The following CACNA1S variants were observed in gnomAD, a reference collection of about 807,000 sequenced individuals.
CACNA1S encodes the protein voltage-dependent L-type calcium channel subunit alpha-1S.
In CACNA1S, 126 loss-of-function variants were observed where a neutral mutation model predicts 207.4. The ratio of observed to expected loss-of-function variants is 0.61; its 90% CI spans 0.53 to 0.70. The LOEUF (loss-of-function observed/expected upper bound fraction) is 0.70, where lower values mean the gene tolerates loss of function less well. Among genes scored for constraint, CACNA1S ranks in the 30% least tolerant of loss-of-function variants. The pLI, the probability that CACNA1S is intolerant of heterozygous loss-of-function variation, is 0.00. For missense variants in CACNA1S, 2,349 were observed against 2,422.8 expected (o/e 0.97, Z 0.64); for synonymous variants, 960 against 932.7 (o/e 1.03, Z -0.53).
Position 201,053,694 on chromosome 1 carries a change from C to T in CACNA1S, c.3667-107G>A. ...GTGTGTTTTGGGGAGATGTTTGTGG[C>T]ATGGAGGAACTCCAGCCCCGCCTCT... On this transcript the variant is annotated intron_variant, in intron 29 of 43. Transcript: ENST00000362061. This position sits in a 1 kb window ranked among gnomAD's most constrained non-coding sequence, Gnocchi z 5.1. 1.4e-5 allele frequency: 17 copies of T among 1,187,712 alleles called. No individual in the cohort carries two copies. Among genetic ancestry groups the T allele is most frequent in the Non-Finnish European group, 2.0e-5 (17 of 839,908 alleles). 73.6% of individuals were successfully genotyped at this position (1,187,712 alleles called of 1,614,324 possible). A position where few individuals can be genotyped will look rare whatever the true frequency, so the allele number is the denominator to read the frequency against.
At chr1:201,052,260 C>G (rs1454948244) in intron 32 of CACNA1S, among the ~76,000 whole-genome samples, 3 of 152,256 alleles carry the variant, frequency 2.0e-5, no homozygotes, top group Non-Finnish European at 4.4e-5. Flanking sequence ...GAGAAGATAT[C>G]TGACCTCTGT....
intron 22 of CACNA1S, among the ~76,000 whole-genome samples, chr1:201,064,474 G>A (rs1661175217): frequency 6.6e-6 from 1 of 152,206 alleles, no homozygotes; most frequent in African/African-American, 2.4e-5. Context: ...GATTTGGCTT[G>A]TAAGGCCCTC....
Position 201,039,783 on chromosome 1 carries a change from C to T in CACNA1S, c.*48G>A. 6.3e-7 allele frequency: 1 copy of T among 1,599,574 alleles called. No individual in the cohort carries two copies. On this transcript the variant is annotated 3_prime_UTR_variant, in exon 44 of 44. Transcript: ENST00000362061. The stretch of plus-strand genomic sequence containing the variant: ...TTCTCCACCCCAGCAACTTCCCCAC[C>T]CCCATTGGTCATGCCAGCTCTAAGC...
At position 201,088,019 on chromosome 1, in the gene CACNA1S, G is replaced by A. The variant is rs61022937; in HGVS notation, c.901-90C>T. The stretch of plus-strand genomic sequence containing the variant: ...ATTAAGACTCCACCCAACCCTGGGG[G>A]ACAAGGAGAGAAGCCACGCTGGGAT... On this transcript the variant is annotated intron_variant, in intron 6 of 43. Coordinates refer to ENST00000362061, the MANE Select transcript of CACNA1S (RefSeq NM_000069.3). The A allele has an allele frequency of 2.8e-3, 2,364 of 840,864 alleles. 35 individuals carry two copies. The African/African-American group carries it at 0.034, about 12-fold the overall frequency. The allele number at this position is 840,864 out of a possible 1,614,324, so 52.1% of individuals were successfully genotyped here. A position where few individuals can be genotyped will look rare whatever the true frequency, so the allele number is the denominator to read the frequency against.
intron 2 of CACNA1S, among the ~76,000 whole-genome samples, chr1:201,100,054 G>A (rs1662581860): frequency 1.3e-5 from 2 of 152,190 alleles, no homozygotes; most frequent in African/African-American, 4.8e-5. Flanking sequence ...GAGACCCAGG[G>A]CCTGGGCACA....
At chr1:201,088,681 G>A (rs1432163757) in intron 6 of CACNA1S, among the ~76,000 whole-genome samples, 1 of 152,158 alleles carries the variant, frequency 6.6e-6, no homozygotes, top group Non-Finnish European at 1.5e-5. Context: ...TGGGAGCAAT[G>A]CCTTCCATCA....
At position 201,051,014 on chromosome 1, in the gene CACNA1S, G is replaced by A. The variant is rs771595474; in HGVS notation, c.4083C>T (p.Phe1361=). The A allele has an allele frequency of 6.2e-7, 1 of 1,614,224 alleles. No homozygotes were observed. Among genetic ancestry groups the A allele is most frequent in the Non-Finnish European group, 8.5e-7 (1 of 1,180,036 alleles). Residue 1361 remains phenylalanine, a synonymous_variant, in exon 33 of 44, where the codon TTC becomes TTT. Coordinates refer to ENST00000362061, the MANE Select transcript of CACNA1S (RefSeq NM_000069.3). ...TCGTNFAYYY[F]ISFYMLCAFL... is the part of the protein sequence containing the mutation. The stretch of plus-strand genomic sequence containing the variant: ...AGGCACAGAGCATGTAGAAGCTGAT[G>A]AAGTAGTAGTATGCAAAGTTGGTGC...
rs981576803 is a variant in CACNA1S at position 201,083,159 on chromosome 1, C to G, written c.1393+3G>C. On this transcript the variant is annotated splice_donor_region_variant and intron_variant, in intron 10 of 43. Transcript: ENST00000362061. ...CTCCCGGCTTCACTCCGTTCCGCCTCACCTTGCAAACGGGTCAGCCAGAGA... is the reference window on the plus strand; with the variant it reads ...CTCCCGGCTTCACTCCGTTCCGCCTGACCTTGCAAACGGGTCAGCCAGAGA... 6.2e-7 allele frequency: 1 copy of G among 1,614,034 alleles called. No individual in the cohort carries two copies. The highest frequency in any genetic ancestry group is 1.3e-5 in the African/African-American group (1 of 74,940).
chr1:201,053,559 C>T lies in CACNA1S; in HGVS notation c.3695G>A (p.Ser1232Asn), dbSNP rs1394334555. Residue 1232 changes from serine (S) to asparagine (N), a missense_variant, in exon 30 of 44, where the codon AGC becomes AAC. Coordinates refer to ENST00000362061, the MANE Select transcript of CACNA1S (RefSeq NM_000069.3). This position sits in a 1 kb window ranked among gnomAD's most constrained non-coding sequence, Gnocchi z 5.1. ...VDPDESARIS[S>N]AFFRLFRVMR... ...GACACGGAACAGGCGGAAGAAGGCG[C>T]TGGAGATGCGGGCACTCTCATCTGG... 1 of 1,613,652 alleles carries T rather than the reference C, an allele frequency of 6.2e-7. No individual in the cohort carries two copies. Among genetic ancestry groups the T allele is most frequent in the East Asian group, 2.2e-5 (1 of 44,824 alleles).
intron 2 of CACNA1S, among the ~76,000 whole-genome samples, chr1:201,098,093 G>C (rs1219808186): frequency 6.6e-6 from 1 of 152,106 alleles, no homozygotes; most frequent in African/African-American, 2.4e-5. Flanking sequence ...CTATATATTT[G>C]TTAATTTATT....
At chr1:201,044,540 T>A in intron 38 of CACNA1S, 84 bp from the exon 39 acceptor site, 2 of 1,510,178 alleles carry the variant, frequency 1.3e-6, no homozygotes, top group Non-Finnish European at 1.8e-6. Context: ...AGACAGAGTC[T>A]CACTCTGTTG....
chr1:201,090,842 GA>G (rs1662201886), intron 5 of CACNA1S, among the ~76,000 whole-genome samples: 1 of 152,180 alleles, frequency 6.6e-6, no homozygotes, highest in Non-Finnish European at 1.5e-5. Flanking sequence ...AGGCAGTGAA[GA>G]GATTTACAAA....
At chr1:201,060,875 C>T in intron 25 of CACNA1S, 59 bp from the exon 26 acceptor site, 2 of 1,602,050 alleles carry the variant, frequency 1.2e-6, no homozygotes, top group Non-Finnish European at 1.7e-6. Flanking sequence ...CCTCTCCACA[C>T]CCACATCCAT....
chr1:201,054,781 G>T (rs548871984), intron 28 of CACNA1S, among the ~76,000 whole-genome samples: 5 of 152,302 alleles, frequency 3.3e-5, no homozygotes, highest in African/African-American at 1.2e-4. Context: ...AGAGGTGGGG[G>T]ACAAGGAAAT....
chr1:201,080,539 T>G (rs1488890257), intron 10 of CACNA1S, among the ~76,000 whole-genome samples: 2 of 152,192 alleles, frequency 1.3e-5, no homozygotes, highest in African/African-American at 2.4e-5. Context: ...AAAACTAGCT[T>G]TGTTTCCTAT....
intron 2 of CACNA1S, among the ~76,000 whole-genome samples, chr1:201,106,230 C>T (rs1662879333): frequency 6.6e-6 from 1 of 151,936 alleles, no homozygotes; most frequent in Non-Finnish European, 1.5e-5. Context: ...CACCTCACAG[C>T]CATCTTTACC....
chr1:201,098,345 A>T (rs1277264521), intron 2 of CACNA1S, among the ~76,000 whole-genome samples: 1 of 152,208 alleles, frequency 6.6e-6, no homozygotes, highest in Non-Finnish European at 1.5e-5. Context: ...ATTCTATGGC[A>T]ATCTGCAGCC....
intron 38 of CACNA1S, among the ~76,000 whole-genome samples, chr1:201,046,465 G>A (rs1660472134): frequency 6.6e-6 from 1 of 150,882 alleles, no homozygotes; most frequent in South Asian, 2.1e-4. Context: ...ACAGGTGTGA[G>A]CCACCGCACC....
intron 19 of CACNA1S, among the ~76,000 whole-genome samples, chr1:201,067,350 C>T (rs751022970): frequency 2.0e-5 from 3 of 152,120 alleles, no homozygotes; most frequent in Non-Finnish European, 4.4e-5. Context: ...TTGGGCAATC[C>T]CCTCTGCCTT....
Sources: allele counts gnomAD v4.1 joint callset (sites outside exome capture counted in the v4.1 genomes callset), GRCh38; gene constraint gnomAD v4.1.1; non-coding constraint Gnocchi (gnomAD v3.1); transcripts MANE v1.5; gene names NCBI Gene and HGNC (gene_info 2026-07-23, HGNC 2026-07-21).